Variants in MAP3K5 observed in about 807,000 individuals in gnomAD.
MAP3K5 encodes the protein mitogen-activated protein kinase kinase kinase 5.
A neutral mutation model predicts 158.7 loss-of-function variants in MAP3K5; 56 were observed. The ratio of observed to expected loss-of-function variants is 0.35; its 90% CI spans 0.28 to 0.44. The LOEUF (loss-of-function observed/expected upper bound fraction) is 0.44, where lower values mean the gene tolerates loss of function less well. Among genes scored for constraint, MAP3K5 ranks in the 20% least tolerant of loss-of-function variants. The pLI, the probability that MAP3K5 is intolerant of heterozygous loss-of-function variation, is 1.00. For missense variants in MAP3K5, 1,294 were observed against 1,674.8 expected (o/e 0.77, Z 3.97); for synonymous variants, 579 against 601.7 (o/e 0.96, Z 0.55).
intron 2 of MAP3K5, among the ~76,000 whole-genome samples, chr6:136,718,124 T>C (rs752720688): frequency 6.6e-6 from 1 of 152,218 alleles, no homozygotes; most frequent in Admixed American, 6.5e-5. Context: ...TGAATTTCTT[T>C]GAGCTTCGGT....
chr6:136,708,574 G>A (rs1014097911), intron 2 of MAP3K5, among the ~76,000 whole-genome samples: 1 of 152,012 alleles, frequency 6.6e-6, no homozygotes, highest in Non-Finnish European at 1.5e-5. Flanking sequence ...GTATTTGATG[G>A]GGAAAAGCAT....
intron 11 of MAP3K5, among the ~76,000 whole-genome samples, chr6:136,650,354 T>C (rs987512602): frequency 5.9e-5 from 9 of 152,230 alleles, no homozygotes; most frequent in African/African-American, 2.2e-4. Flanking sequence ...TGTCTGTTTG[T>C]AAAAAATAGT....
At chr6:136,615,768 G>A (rs1205354227) in intron 15 of MAP3K5, among the ~76,000 whole-genome samples, 3 of 152,148 alleles carry the variant, frequency 2.0e-5, no homozygotes, top group African/African-American at 7.2e-5. Context: ...GGCTACAGGT[G>A]TGAAATACAC....
chr6:136,730,808 G>A (rs1782193490), intron 1 of MAP3K5, among the ~76,000 whole-genome samples: 1 of 151,096 alleles, frequency 6.6e-6, no homozygotes, highest in African/African-American at 2.4e-5. Context: ...TTAGAGTACA[G>A]AAAGAAATGA....
chr6:136,754,379 A>G (rs1783370526), intron 1 of MAP3K5, among the ~76,000 whole-genome samples: 1 of 152,094 alleles, frequency 6.6e-6, no homozygotes, highest in Admixed American at 6.5e-5. Flanking sequence ...GGAATTCAAC[A>G]CCAGCCTGGG....
intron 23 of MAP3K5, among the ~76,000 whole-genome samples, chr6:136,585,145 C>T (rs1265195860): frequency 1.4e-5 from 2 of 147,240 alleles, no homozygotes; most frequent in Non-Finnish European, 3.0e-5. Flanking sequence ...CAGGGCCTCT[C>T]TTTGTCACCC....
chr6:136,731,413 G>T (rs921570307), intron 1 of MAP3K5, among the ~76,000 whole-genome samples: 5 of 152,146 alleles, frequency 3.3e-5, no homozygotes, highest in African/African-American at 1.2e-4. Flanking sequence ...AAGATAATCA[G>T]TTCCTTGCCC....
chr6:136,669,892 T>TGG (rs1583387001), intron 7 of MAP3K5, among the ~76,000 whole-genome samples: 1 of 149,904 alleles, frequency 6.7e-6, no homozygotes, highest in Non-Finnish European at 1.5e-5. Context: ...AGGGTGTGTG[T>TGG]GTGTGTGTGT....
At chr6:136,766,386 G>A (rs1313313889) in intron 1 of MAP3K5, among the ~76,000 whole-genome samples, 1 of 152,214 alleles carries the variant, frequency 6.6e-6, no homozygotes, top group Non-Finnish European at 1.5e-5. Flanking sequence ...AGCCAAGTAG[G>A]TCAAGGCTGT....
intron 18 of MAP3K5, among the ~76,000 whole-genome samples, chr6:136,607,502 A>G (rs1189819703): frequency 6.6e-6 from 1 of 152,198 alleles, no homozygotes; most frequent in African/African-American, 2.4e-5. Flanking sequence ...AAACAAAGCA[A>G]TTTACGAAGC....
intron 12 of MAP3K5, among the ~76,000 whole-genome samples, chr6:136,640,764 C>T (rs1275615115): frequency 2.6e-5 from 4 of 152,196 alleles, no homozygotes; most frequent in East Asian, 1.9e-4. Context: ...CCCACTAACT[C>T]GAGCTGTGCA....
At chr6:136,732,870 G>A (rs1782288274) in intron 1 of MAP3K5, among the ~76,000 whole-genome samples, 1 of 152,140 alleles carries the variant, frequency 6.6e-6, no homozygotes, top group South Asian at 2.1e-4. Flanking sequence ...ATCTAGACTA[G>A]ATTTGAACTT....
chr6:136,764,340 T>G (rs902687262), intron 1 of MAP3K5, among the ~76,000 whole-genome samples: 1 of 152,202 alleles, frequency 6.6e-6, no homozygotes, highest in Admixed American at 6.5e-5. Context: ...AACAGACTGA[T>G]AGCTTCCATG....
intron 18 of MAP3K5, among the ~76,000 whole-genome samples, chr6:136,607,272 T>C (rs1028852248): frequency 2.0e-5 from 3 of 152,220 alleles, no homozygotes; most frequent in Admixed American, 6.5e-5. Context: ...GTGGGAGTTA[T>C]AGTGGATCAA....
intron 14 of MAP3K5, chr6:136,629,416 C>T (rs1777206871): frequency 6.6e-6 from 1 of 152,130 alleles, no homozygotes; most frequent in Admixed American, 6.5e-5. Flanking sequence ...GTACAAATAT[C>T]TAGTGTGATG....
intron 1 of MAP3K5, among the ~76,000 whole-genome samples, chr6:136,725,333 C>A (rs2114800634): frequency 6.6e-6 from 1 of 152,312 alleles, no homozygotes; most frequent in Admixed American, 6.5e-5. Flanking sequence ...GTATGAGGAG[C>A]ATCTCAGCTG....
chr6:136,760,712 G>A (rs1251137502), intron 1 of MAP3K5, among the ~76,000 whole-genome samples: 1 of 152,186 alleles, frequency 6.6e-6, no homozygotes, highest in African/African-American at 2.4e-5. Flanking sequence ...GCTCACGCCT[G>A]TAATCCCAGC....
chr6:136,579,058 C>A (rs891589307), intron 25 of MAP3K5, among the ~76,000 whole-genome samples: 1 of 151,310 alleles, frequency 6.6e-6, no homozygotes, highest in Non-Finnish European at 1.5e-5. Context: ...TTGATCTTAT[C>A]CTTTTAAATT....
At chr6:136,633,013 G>A (rs1361961956) in intron 14 of MAP3K5, among the ~76,000 whole-genome samples, 2 of 152,062 alleles carry the variant, frequency 1.3e-5, no homozygotes, top group African/African-American at 2.4e-5. Context: ...TCTGAGAAGT[G>A]GTATTGCATT....
Sources: allele counts gnomAD v4.1 joint callset (sites outside exome capture counted in the v4.1 genomes callset), GRCh38; gene constraint gnomAD v4.1.1; transcripts MANE v1.5; gene names NCBI Gene and HGNC (gene_info 2026-07-23, HGNC 2026-07-21).